Variants in SNTG1 observed in about 807,000 individuals in gnomAD.
SNTG1 encodes the protein syntrophin gamma 1, also known as gamma-1-syntrophin.
A neutral mutation model predicts 74.7 loss-of-function variants in SNTG1; 39 were observed. That is an observed-to-expected ratio of 0.52 (90% CI 0.40 to 0.68). The LOEUF (loss-of-function observed/expected upper bound fraction) is 0.68, where lower values mean the gene tolerates loss of function less well. SNTG1 is among the 30% of genes least tolerant of loss of function. SNTG1 has a pLI of 0.00. For synonymous variants in SNTG1, 254 were observed against 217.1 expected, an observed-to-expected ratio of 1.17 and a Z score of -1.49; for missense variants, 685 against 609.5, an observed-to-expected ratio of 1.12 and a Z score of -1.30.
At chr8:50,674,060 C>T (rs1338797232) in intron 15 of SNTG1, among the ~76,000 whole-genome samples, 2 of 152,102 alleles carry the variant, frequency 1.3e-5, no homozygotes, top group Non-Finnish European at 2.9e-5. Flanking sequence ...TTTTGATGTG[C>T]TGCTGGATTC....
chr8:50,093,309 T>C (rs904607678), intron 1 of SNTG1, among the ~76,000 whole-genome samples: 1 of 152,168 alleles, frequency 6.6e-6, no homozygotes, highest in Non-Finnish European at 1.5e-5. Context: ...ATTGATATAC[T>C]GTAACAATCA....
intron 1 of SNTG1, among the ~76,000 whole-genome samples, chr8:50,056,786 G>C (rs1479355876): frequency 6.6e-6 from 1 of 152,206 alleles, no homozygotes; most frequent in African/African-American, 2.4e-5. Flanking sequence ...CAAGATAGAT[G>C]AGTGAATAGG....
At chr8:50,398,846 C>T (rs2092763835) in intron 3 of SNTG1, among the ~76,000 whole-genome samples, 1 of 152,134 alleles carries the variant, frequency 6.6e-6, no homozygotes, top group South Asian at 2.1e-4. Context: ...AGGAGAATCG[C>T]TCGAACCCAG....
At chr8:50,581,446 G>A (rs76715654) in intron 12 of SNTG1, among the ~76,000 whole-genome samples, 6,955 of 152,084 alleles carry the variant, frequency 0.046, 281 homozygotes, top group African/African-American at 0.11. Context: ...TACTTCAGAT[G>A]CCTCTCTCTC....
chr8:50,008,299 G>A (rs1027754021), intron 1 of SNTG1, among the ~76,000 whole-genome samples: 3 of 152,096 alleles, frequency 2.0e-5, no homozygotes, highest in Non-Finnish European at 4.4e-5. Context: ...ATGAAAATGA[G>A]CCAGTATTAG....
At chr8:50,134,503 T>C (rs768297130) in intron 1 of SNTG1, among the ~76,000 whole-genome samples, 2 of 152,194 alleles carry the variant, frequency 1.3e-5, no homozygotes, top group Non-Finnish European at 2.9e-5. Context: ...AAGCAGGCTT[T>C]TCCTGGCTTA....
At chr8:50,095,896 C>A (rs539114307) in intron 1 of SNTG1, among the ~76,000 whole-genome samples, 1 of 150,958 alleles carries the variant, frequency 6.6e-6, no homozygotes, top group South Asian at 2.1e-4. Context: ...TGTTGATAAA[C>A]AAAATACCTA....
chr8:50,714,389 G>C (rs530760260), intron 17 of SNTG1, among the ~76,000 whole-genome samples: 1 of 149,368 alleles, frequency 6.7e-6, no homozygotes, highest in South Asian at 2.2e-4. Flanking sequence ...AAGGAAATAA[G>C]AGAGGACACA....
At chr8:50,079,578 T>G (rs1313084533) in intron 1 of SNTG1, among the ~76,000 whole-genome samples, 2 of 152,174 alleles carry the variant, frequency 1.3e-5, no homozygotes, top group Non-Finnish European at 1.5e-5. Context: ...TTAGATCCCA[T>G]TTGTCAATTT....
intron 1 of SNTG1, among the ~76,000 whole-genome samples, chr8:49,993,917 T>C (rs1195255000): frequency 6.6e-6 from 1 of 152,226 alleles, no homozygotes. Flanking sequence ...ATTATATTCC[T>C]GTTGAAAATA....
intron 4 of SNTG1, among the ~76,000 whole-genome samples, chr8:50,414,133 C>T (rs551871632): frequency 2.0e-4 from 31 of 152,210 alleles, no homozygotes; most frequent in African/African-American, 7.0e-4. Context: ...TCACTGTGGG[C>T]TCATGGTCTT....
chr8:50,598,475 A>G lies in SNTG1; in HGVS notation c.849+7558A>G, dbSNP rs973483025. Reference sequence around the variant, plus strand: ...TATGCCAGAACCATACATTTTATTTACTATATCTTTGTAGTATACTTTTAA... The same window carrying G: ...TATGCCAGAACCATACATTTTATTTGCTATATCTTTGTAGTATACTTTTAA... On this transcript the variant is annotated intron_variant, in intron 13 of 18. Transcript: ENST00000642720. 7.2e-5 allele frequency among the ~76,000 whole-genome samples: 11 copies of G among 151,766 alleles called. No individual in the cohort carries two copies. In the East Asian group the frequency reaches 2.1e-3, roughly 29 times the overall value.
intron 2 of SNTG1, among the ~76,000 whole-genome samples, chr8:50,305,524 ATGTGTG>A (rs5891361): frequency 0.23 from 33,869 of 146,026 alleles, 3,873 homozygotes; most frequent in South Asian, 0.35. Context: ...GTTTGTGCTT[ATGTGTG>A]TGTGTGTGTG....
intron 18 of SNTG1, among the ~76,000 whole-genome samples, chr8:50,784,488 A>T (rs2095669063): frequency 6.6e-6 from 1 of 152,216 alleles, no homozygotes; most frequent in Admixed American, 6.5e-5. Context: ...TTTCAAGGAG[A>T]TATAACAATT....
intron 9 of SNTG1, among the ~76,000 whole-genome samples, chr8:50,517,422 TCAAATACACACATAC>T (rs2094142520): frequency 6.6e-6 from 1 of 152,016 alleles, no homozygotes; most frequent in Non-Finnish European, 1.5e-5. Context: ...CATGACAGGA[TCAAATACACACATAC>T]CAATATTAAC....
chr8:50,411,470 C>G (rs2092948192), intron 4 of SNTG1, among the ~76,000 whole-genome samples: 1 of 149,872 alleles, frequency 6.7e-6, no homozygotes, highest in Admixed American at 6.6e-5. Context: ...TAAAAAGACT[C>G]CATCTCAAAA....
At chr8:50,523,823 C>T (rs967810534) in intron 9 of SNTG1, among the ~76,000 whole-genome samples, 2 of 152,158 alleles carry the variant, frequency 1.3e-5, no homozygotes, top group Non-Finnish European at 2.9e-5. Flanking sequence ...GCATGGTTGA[C>T]ATAAACCTTC....
chr8:50,138,469 T>C (rs964452767), intron 1 of SNTG1, among the ~76,000 whole-genome samples: 1 of 150,634 alleles, frequency 6.6e-6, no homozygotes, highest in Non-Finnish European at 1.5e-5. Flanking sequence ...AAAAAAAAAA[T>C]AAAAAATTAG....
chr8:50,261,550 G>T (rs1432777071), intron 2 of SNTG1, among the ~76,000 whole-genome samples: 1 of 152,064 alleles, frequency 6.6e-6, no homozygotes, highest in Non-Finnish European at 1.5e-5. Context: ...TAATCTGTTA[G>T]TTGCTACTAA....
Sources: allele counts gnomAD v4.1 joint callset (sites outside exome capture counted in the v4.1 genomes callset), GRCh38; gene constraint gnomAD v4.1.1; transcripts MANE v1.5; gene names NCBI Gene and HGNC (gene_info 2026-07-23, HGNC 2026-07-21).